The following CNTN5 variants were observed in gnomAD, a reference collection of about 807,000 sequenced individuals.
The protein encoded by CNTN5 is contactin 5.
Under a neutral mutation model 129.1 loss-of-function variants are expected in CNTN5, and 77 were observed. The ratio of observed to expected loss-of-function variants is 0.60; its 90% CI spans 0.50 to 0.72. CNTN5 has a LOEUF of 0.72. Among genes scored for constraint, CNTN5 ranks in the 30% least tolerant of loss-of-function variants. The probability of loss-of-function intolerance (pLI) is 0.00; values close to 1 mark genes in which losing one functional copy is unlikely to be tolerated. For synonymous variants in CNTN5, 509 were observed against 465.6 expected (o/e 1.09, Z -1.20); for missense variants, 1,478 against 1,328.8 (o/e 1.11, Z -1.75).
chr11:99,699,097 T>C (rs192543819), intron 3 of CNTN5, among the ~76,000 whole-genome samples: 2 of 151,536 alleles, frequency 1.3e-5, no homozygotes, highest in African/African-American at 4.8e-5. Flanking sequence ...AACGTTCAAT[T>C]TTCTTCTCAC....
At chr11:100,231,075 C>T (rs1282428246) in intron 16 of CNTN5, among the ~76,000 whole-genome samples, 3 of 152,034 alleles carry the variant, frequency 2.0e-5, no homozygotes, top group Non-Finnish European at 4.4e-5. Flanking sequence ...TTACCACATG[C>T]CAGGACAGTT....
intron 3 of CNTN5, among the ~76,000 whole-genome samples, chr11:99,759,765 A>G (rs1365980880): frequency 4.6e-5 from 7 of 151,934 alleles, no homozygotes; most frequent in African/African-American, 7.2e-5. Flanking sequence ...GAGAGAGAGC[A>G]AGAGAAAGCA....
chr11:99,159,973 C>T (rs984307711), intron 1 of CNTN5, among the ~76,000 whole-genome samples: 1 of 152,154 alleles, frequency 6.6e-6, no homozygotes, highest in African/African-American at 2.4e-5. Context: ...TCCCACTGTA[C>T]ACCTGGTTAT....
chr11:100,034,407 C>G (rs1489492951), intron 9 of CNTN5, among the ~76,000 whole-genome samples: 3 of 152,128 alleles, frequency 2.0e-5, no homozygotes, highest in African/African-American at 7.2e-5. Flanking sequence ...CTTGTTAGTT[C>G]TATATCTTAA....
intron 4 of CNTN5, among the ~76,000 whole-genome samples, chr11:99,823,384 C>G (rs1378762719): frequency 2.6e-5 from 4 of 152,034 alleles, no homozygotes; most frequent in Admixed American, 2.0e-4. Flanking sequence ...GAAGCCAGTT[C>G]CTACATTCAG....
In CNTN5 at chr11:100,116,052, A is replaced by G. The variant is rs139853498; in HGVS notation, c.1580+41758A>G. Among the ~76,000 whole-genome samples the G allele has an allele frequency of 2.4e-3, 365 of 152,114 alleles. 2 individuals are homozygous for G. Among genetic ancestry groups the G allele is most frequent in the African/African-American group, 8.5e-3 (354 of 41,530 alleles). On this transcript the variant is annotated intron_variant, in intron 13 of 24. Transcript: ENST00000524871. Reference sequence around the variant, plus strand: ...AAGAACCACCTCTTCCTGCCTTTCCATTCTTCTAGTACTCTAAGACAGTCC... The same window carrying G: ...AAGAACCACCTCTTCCTGCCTTTCCGTTCTTCTAGTACTCTAAGACAGTCC...
intron 6 of CNTN5, among the ~76,000 whole-genome samples, chr11:99,915,276 A>C (rs1353379689): frequency 6.6e-6 from 1 of 152,142 alleles, no homozygotes; most frequent in Non-Finnish European, 1.5e-5. Flanking sequence ...TTTAATAAGC[A>C]ATAATAGAAT....
rs538798760 is a variant in CNTN5 at position 99,320,734 on chromosome 11, T to C, written c.-209-4612T>C. Among the ~76,000 whole-genome samples the C allele has an allele frequency of 3.9e-5, 6 of 152,284 alleles. No individual in the cohort carries two copies. In the East Asian group the frequency reaches 1.2e-3, roughly 29 times the overall value. Reference sequence around the variant, plus strand: ...CTGTTTAAGAATAAAATAGGGCAAATGTTGAAGGGTGATGTAAGGTTAAGA... The same window carrying C: ...CTGTTTAAGAATAAAATAGGGCAAACGTTGAAGGGTGATGTAAGGTTAAGA... On this transcript the variant is annotated intron_variant, in intron 1 of 24. Coordinates refer to ENST00000524871, the MANE Select transcript of CNTN5 (RefSeq NM_014361.4).
rs111586165 is a variant in CNTN5, at chr11:99,771,756, T to A, written c.56-47788T>A. 3.2e-3 allele frequency among the ~76,000 whole-genome samples: 484 copies of A among 152,070 alleles called. 4 individuals carry two copies. Among genetic ancestry groups the A allele is most frequent in the African/African-American group, 0.011 (468 of 41,526 alleles). Reference sequence around the variant, plus strand: ...TCAAGTAAGGTTAATAATGCCGTATTGTAAACTTGAAATTTGCTAAGATGG... The same window carrying A: ...TCAAGTAAGGTTAATAATGCCGTATAGTAAACTTGAAATTTGCTAAGATGG... On this transcript the variant is annotated intron_variant, in intron 3 of 24. Transcript: ENST00000524871.
chr11:100,040,547 G>C (rs994182907), intron 9 of CNTN5, among the ~76,000 whole-genome samples: 3 of 152,186 alleles, frequency 2.0e-5, no homozygotes, highest in Non-Finnish European at 4.4e-5. Flanking sequence ...CTTTTTGTTT[G>C]TCTGTGCCCT....
intron 21 of CNTN5, among the ~76,000 whole-genome samples, chr11:100,320,744 G>C (rs1249958524): frequency 6.6e-6 from 1 of 152,084 alleles, no homozygotes; most frequent in Non-Finnish European, 1.5e-5. Flanking sequence ...CATGGTGGAA[G>C]CTGAAGGTCT....
At chr11:100,037,578 G>A (rs1046528289) in intron 9 of CNTN5, among the ~76,000 whole-genome samples, 1 of 152,012 alleles carries the variant, frequency 6.6e-6, no homozygotes, top group Admixed American at 6.5e-5. Flanking sequence ...GTAGAATTCG[G>A]CTGTGAATCC....
chr11:100,339,346 C>G (rs1952108863), intron 21 of CNTN5, among the ~76,000 whole-genome samples: 1 of 152,034 alleles, frequency 6.6e-6, no homozygotes, highest in Non-Finnish European at 1.5e-5. Flanking sequence ...ATGAAAATGG[C>G]TCTCAGTGGA....
intron 2 of CNTN5, among the ~76,000 whole-genome samples, chr11:99,392,216 A>G (rs1166002172): frequency 6.6e-6 from 1 of 151,342 alleles, no homozygotes; most frequent in Non-Finnish European, 1.5e-5. Flanking sequence ...TAATAAAATA[A>G]TAAAAATAAA....
At chr11:100,190,740 T>A (rs569654713) in intron 13 of CNTN5, among the ~76,000 whole-genome samples, 160 of 151,664 alleles carry the variant, frequency 1.1e-3, no homozygotes, top group Non-Finnish European at 1.6e-3. Flanking sequence ...TTTTTTTTTT[T>A]TATATATGAC....
chr11:99,116,489 T>C (rs1858050925), intron 1 of CNTN5, among the ~76,000 whole-genome samples: 1 of 152,198 alleles, frequency 6.6e-6, no homozygotes, highest in South Asian at 2.1e-4. Context: ...TTAAGGCGTT[T>C]GGATGTTGAT....
At chr11:99,996,635 T>C (rs1016930704) in intron 8 of CNTN5, among the ~76,000 whole-genome samples, 1 of 152,196 alleles carries the variant, frequency 6.6e-6, no homozygotes, top group Non-Finnish European at 1.5e-5. Flanking sequence ...ATGCATGTAT[T>C]AGTCTGTTTT....
chr11:99,772,702 T>C (rs1167617126), intron 3 of CNTN5, among the ~76,000 whole-genome samples: 2 of 152,118 alleles, frequency 1.3e-5, no homozygotes, highest in Admixed American at 6.6e-5. Context: ...TTTTAAATAA[T>C]AGATTACCTC....
chr11:99,542,900 T>A (rs911234173), intron 2 of CNTN5, among the ~76,000 whole-genome samples: 4 of 152,216 alleles, frequency 2.6e-5, no homozygotes, highest in Non-Finnish European at 2.9e-5. Flanking sequence ...CTGCTCCCTT[T>A]GCAGCTGAAC....
Sources: allele counts gnomAD v4.1 joint callset (sites outside exome capture counted in the v4.1 genomes callset), GRCh38; gene constraint gnomAD v4.1.1; transcripts MANE v1.5; gene names NCBI Gene and HGNC (gene_info 2026-07-23, HGNC 2026-07-21).